The following PHACTR1 variants were observed in gnomAD, a reference collection of about 807,000 sequenced individuals.
The protein encoded by PHACTR1 is RPEL repeat containing 1.
Under a neutral mutation model 69.2 loss-of-function variants are expected in PHACTR1, and 16 were observed. The observed-to-expected ratio is 0.23, with a 90% CI of 0.16 to 0.35. The LOEUF (loss-of-function observed/expected upper bound fraction) is 0.35. Ranked by LOEUF, PHACTR1 falls within the 10% of genes least tolerant of loss-of-function variation. The pLI is 1.00. For synonymous variants in PHACTR1, 312 were observed against 284.5 expected (o/e 1.10, Z -0.97); for missense variants, 510 against 734.7 (o/e 0.69, Z 3.54).
chr6:12,925,131 A>G (rs749393379), intron 4 of PHACTR1, among the ~76,000 whole-genome samples: 3 of 152,250 alleles, frequency 2.0e-5, no homozygotes, highest in Non-Finnish European at 2.9e-5. Context: ...TTTGTATTTT[A>G]TATACAATCG....
chr6:13,217,982 C>A (rs1019249745), intron 8 of PHACTR1, among the ~76,000 whole-genome samples: 171 of 152,326 alleles, frequency 1.1e-3, no homozygotes, highest in African/African-American at 4.0e-3. Context: ...GACTAAATTA[C>A]AAAAGCTGTT....
chr6:12,980,809 T>A (rs370565561), intron 4 of PHACTR1, among the ~76,000 whole-genome samples: 35 of 152,272 alleles, frequency 2.3e-4, no homozygotes, highest in African/African-American at 8.4e-4. Context: ...TATATTTTTA[T>A]GAAGTCTCTC....
chr6:13,149,278 G>A lies in PHACTR1; in HGVS notation c.416-10926G>A, dbSNP rs1823937436. On this transcript the variant is annotated intron_variant, in intron 5 of 14. Coordinates refer to ENST00000332995, the MANE Select transcript of PHACTR1 (RefSeq NM_030948.6). Reference sequence around the variant, plus strand: ...GTCCAACGAACTGGGGAGGAACGGTGAAACTGAGTTACACTGCTTCCTTTA... The same window carrying A: ...GTCCAACGAACTGGGGAGGAACGGTAAAACTGAGTTACACTGCTTCCTTTA... Among the ~76,000 whole-genome samples the A allele has an allele frequency of 2.6e-5, 4 of 152,170 alleles. No individual in the cohort carries two copies. The South Asian group carries it at 6.2e-4, about 24-fold the overall frequency.
At chr6:12,965,968 A>T (rs918557677) in intron 4 of PHACTR1, among the ~76,000 whole-genome samples, 1 of 152,198 alleles carries the variant, frequency 6.6e-6, no homozygotes, top group African/African-American at 2.4e-5. Context: ...ATTTCTAAAG[A>T]CATTAAAGGG....
rs76437953 is a variant in PHACTR1, at chr6:12,915,439, A to G, written c.251-137926A>G. On this transcript the variant is annotated intron_variant, in intron 4 of 14. Coordinates refer to ENST00000332995, the MANE Select transcript of PHACTR1 (RefSeq NM_030948.6). ...GGAGAATCGCTTGAACCCAGGAGGC[A>G]GAGGTTGCACTGGGCTGAGATCACT... Among the ~76,000 whole-genome samples, 1,351 of 148,684 alleles carry G rather than the reference A, an allele frequency of 9.1e-3. 37 individuals carry two copies. In the South Asian group the frequency reaches 0.12, roughly 13 times the overall value.
At chr6:13,262,464 CATGAGTGTTG>C (rs1776048389) in intron 10 of PHACTR1, among the ~76,000 whole-genome samples, 1 of 152,158 alleles carries the variant, frequency 6.6e-6, no homozygotes, top group Non-Finnish European at 1.5e-5. Context: ...TATTGGAAGT[CATGAGTGTTG>C]ATGAGATCAT....
intron 6 of PHACTR1, 26 bp from the exon 7 acceptor site, chr6:13,182,493 C>T: frequency 6.2e-7 from 1 of 1,611,440 alleles, no homozygotes. Context: ...TTGTCTAACT[C>T]TGCAATCTCC....
At chr6:13,207,028 A>T (rs1766033136) in intron 8 of PHACTR1, among the ~76,000 whole-genome samples, 1 of 152,134 alleles carries the variant, frequency 6.6e-6, no homozygotes, top group African/African-American at 2.4e-5. Context: ...CATACGTGTG[A>T]GTGTACGCAC....
intron 5 of PHACTR1, among the ~76,000 whole-genome samples, chr6:13,117,709 C>T: frequency 6.6e-6 from 1 of 152,120 alleles, no homozygotes; most frequent in East Asian, 1.9e-4. Flanking sequence ...CAGTAATTCA[C>T]CTTATAATTT....
At chr6:13,242,219 T>C (rs957744001) in intron 10 of PHACTR1, among the ~76,000 whole-genome samples, 1 of 152,066 alleles carries the variant, frequency 6.6e-6, no homozygotes, top group African/African-American at 2.4e-5. Flanking sequence ...CCAATCTCAA[T>C]AGCAAGGGAA....
intron 4 of PHACTR1, among the ~76,000 whole-genome samples, chr6:12,880,553 G>A (rs1782989203): frequency 6.6e-6 from 1 of 152,080 alleles, no homozygotes; most frequent in African/African-American, 2.4e-5. Flanking sequence ...ACTGCACCTG[G>A]CCTAGAATTC....
intron 5 of PHACTR1, among the ~76,000 whole-genome samples, chr6:13,156,524 T>A (rs1174267490): frequency 6.6e-6 from 1 of 152,222 alleles, no homozygotes; most frequent in Non-Finnish European, 1.5e-5. Context: ...CCCTGTGTCA[T>A]AAGGAATGTT....
intron 4 of PHACTR1, among the ~76,000 whole-genome samples, chr6:12,763,011 C>T (rs906150744): frequency 6.6e-5 from 10 of 152,048 alleles, no homozygotes; most frequent in African/African-American, 9.7e-5. Flanking sequence ...GTTAGGAGTT[C>T]GAGACCAGCC....
intron 8 of PHACTR1, among the ~76,000 whole-genome samples, chr6:13,220,323 G>A (rs577347500): frequency 5.3e-5 from 8 of 152,326 alleles, no homozygotes; most frequent in Admixed American, 4.6e-4. Flanking sequence ...ACATTATTTG[G>A]TGCTACCTAG....
rs575782407 is a variant in PHACTR1, at chr6:12,994,138, CTAAT to C, written c.251-59223_251-59220del. Among the ~76,000 whole-genome samples the C allele has an allele frequency of 1.8e-4, 28 of 152,178 alleles. No individual in the cohort carries two copies. The South Asian group carries it at 2.9e-3, about 16-fold the overall frequency. On this transcript the variant is annotated intron_variant, in intron 4 of 14. Coordinates refer to ENST00000332995, the MANE Select transcript of PHACTR1 (RefSeq NM_030948.6). ...AAAATATAGTCTTTGAAATTAAACA[CTAAT>C]TAAATAGCACAGTGGACACAGCCAA... is the stretch of plus-strand genomic sequence containing the variant.
At position 13,185,098 on chromosome 6, in the gene PHACTR1, G is replaced by A. The variant is rs922466682; in HGVS notation, c.664+2412G>A. The A allele has an allele frequency of 4.9e-6, 5 of 1,013,330 alleles. No homozygotes were observed. In the African/African-American group the frequency reaches 8.5e-5, roughly 17 times the overall value. 62.8% of individuals were successfully genotyped at this position (1,013,330 alleles called of 1,614,324 possible). The stretch of plus-strand genomic sequence containing the variant: ...TTCTTTGAACTGAGGCCTGAAGGCA[G>A]CTCTCTGGGGAGGTTGCCCTGTGGG... On this transcript the variant is annotated intron_variant, in intron 7 of 14. Transcript: ENST00000332995.
In PHACTR1 at chr6:13,237,431, A is replaced by G. The variant is rs139582851; in HGVS notation, c.1391+7238A>G. Among the ~76,000 whole-genome samples the G allele has an allele frequency of 7.6e-4, 116 of 152,270 alleles. 1 individual carries two copies. The highest frequency in any genetic ancestry group is 2.6e-3 in the African/African-American group (108 of 41,542). On this transcript the variant is annotated intron_variant, in intron 10 of 14. Coordinates refer to ENST00000332995, the MANE Select transcript of PHACTR1 (RefSeq NM_030948.6). Reference sequence around the variant, plus strand: ...ATATTTGTGGACTGAATTCAGCCCAATGACTCCATCTCAGTTCTGGGCCTC... The same window carrying G: ...ATATTTGTGGACTGAATTCAGCCCAGTGACTCCATCTCAGTTCTGGGCCTC...
At chr6:13,080,861 C>T (rs1370483833) in intron 5 of PHACTR1, among the ~76,000 whole-genome samples, 1 of 151,734 alleles carries the variant, frequency 6.6e-6, no homozygotes, top group Non-Finnish European at 1.5e-5. Flanking sequence ...AAGAACTTTT[C>T]GTAAAAGAAA....
At chr6:13,201,608 G>C (rs916743213) in intron 7 of PHACTR1, among the ~76,000 whole-genome samples, 1 of 152,174 alleles carries the variant, frequency 6.6e-6, no homozygotes, top group African/African-American at 2.4e-5. Flanking sequence ...ACGATAAGAG[G>C]AGATGAGTGT....
Sources: allele counts gnomAD v4.1 joint callset (sites outside exome capture counted in the v4.1 genomes callset), GRCh38; gene constraint gnomAD v4.1.1; transcripts MANE v1.5; gene names NCBI Gene and HGNC (gene_info 2026-07-23, HGNC 2026-07-21).